KCNMB4: variants seen among roughly 807,000 people sequenced by gnomAD.
KCNMB4 encodes calcium-activated potassium channel subunit beta-4.
In KCNMB4, 3 loss-of-function variants were observed where a neutral mutation model predicts 20.7. That is an observed-to-expected ratio of 0.14 (90% CI 0.07 to 0.37). The LOEUF (loss-of-function observed/expected upper bound fraction) is 0.37. Among genes scored for constraint, KCNMB4 ranks in the 10% least tolerant of loss-of-function variants. KCNMB4 has a pLI of 1.00. For synonymous variants in KCNMB4, 110 were observed against 113.4 expected (o/e 0.97, Z 0.19); for missense variants, 168 against 265.9 (o/e 0.63, Z 2.56).
At chr12:70,424,664 C>T (rs908932227) in intron 2 of KCNMB4, among the ~76,000 whole-genome samples, 1 of 150,030 alleles carries the variant, frequency 6.7e-6, no homozygotes, top group Non-Finnish European at 1.5e-5. Context: ...GCAGGAGAAT[C>T]GCTTGAACCC....
chr12:70,411,453 A>G (rs1868773732), intron 2 of KCNMB4, among the ~76,000 whole-genome samples: 1 of 152,190 alleles, frequency 6.6e-6, no homozygotes, highest in Non-Finnish European at 1.5e-5. Context: ...ATATTTTATT[A>G]GTTTTTATTC....
intron 1 of KCNMB4, among the ~76,000 whole-genome samples, chr12:70,382,203 TG>T: frequency 6.6e-6 from 1 of 151,788 alleles, no homozygotes; most frequent in South Asian, 2.1e-4. Flanking sequence ...CCCAGCACTT[TG>T]GGAGGCCGAG....
chr12:70,384,723 A>G (rs1029328278), intron 1 of KCNMB4, among the ~76,000 whole-genome samples: 3 of 152,076 alleles, frequency 2.0e-5, no homozygotes, highest in African/African-American at 7.2e-5. Flanking sequence ...TGTTTCTAAA[A>G]CAATTTTTTT....
intron 2 of KCNMB4, among the ~76,000 whole-genome samples, chr12:70,407,120 A>C (rs576422630): frequency 6.6e-6 from 1 of 152,246 alleles, no homozygotes; most frequent in Admixed American, 6.5e-5. Flanking sequence ...CTTCTGGCTG[A>C]CCTTCTCTAA....
At chr12:70,389,647 T>C (rs1868284219) in intron 1 of KCNMB4, among the ~76,000 whole-genome samples, 1 of 152,122 alleles carries the variant, frequency 6.6e-6, no homozygotes, top group African/African-American at 2.4e-5. Context: ...TGAGCCAAGA[T>C]CACACCACTG....
intron 2 of KCNMB4, among the ~76,000 whole-genome samples, chr12:70,424,047 T>G (rs926837941): frequency 1.3e-5 from 2 of 152,220 alleles, no homozygotes; most frequent in Non-Finnish European, 2.9e-5. Flanking sequence ...CTTGTCTACC[T>G]AACTTAGTAG....
At chr12:70,391,517 G>T (rs181303985) in intron 1 of KCNMB4, among the ~76,000 whole-genome samples, 55 of 152,228 alleles carry the variant, frequency 3.6e-4, no homozygotes, top group Admixed American at 3.5e-3. Flanking sequence ...TGTTGCCCTG[G>T]CTAGTCTCGA....
At chr12:70,420,444 G>T (rs1207096049) in intron 2 of KCNMB4, among the ~76,000 whole-genome samples, 1 of 152,142 alleles carries the variant, frequency 6.6e-6, no homozygotes, top group Non-Finnish European at 1.5e-5. Flanking sequence ...TAGGGGATGT[G>T]ATCAGGGAAA....
At chr12:70,429,926 G>A (rs977570327) in intron 2 of KCNMB4, among the ~76,000 whole-genome samples, 4 of 152,104 alleles carry the variant, frequency 2.6e-5, no homozygotes, top group Admixed American at 1.3e-4. Flanking sequence ...CACTCATTCA[G>A]CCATTGTCTG....
At chr12:70,379,146 T>C (rs1391899008) in intron 1 of KCNMB4, among the ~76,000 whole-genome samples, 3 of 152,224 alleles carry the variant, frequency 2.0e-5, no homozygotes, top group Non-Finnish European at 2.9e-5. Context: ...CTTAGCACAA[T>C]TTTTAAGGGC....
rs1411634306 is a variant in KCNMB4, at chr12:70,433,455, A to C, written c.*2802A>C. ...CTTCCTAGCCTGTGAAAAAAGAAGA[A>C]GGTGGAGCAAGCCATTTCCTTTTTA... On this transcript the variant is annotated 3_prime_UTR_variant, in exon 3 of 3. Transcript: ENST00000258111. The C allele has an allele frequency of 6.6e-6, 1 of 152,232 alleles. No homozygotes were observed. The highest frequency in any genetic ancestry group is 2.4e-5 in the African/African-American group (1 of 41,458). 9.4% of individuals were successfully genotyped at this position (152,232 alleles called of 1,614,324 possible).
At chr12:70,376,880 AAAAAG>A (rs1202390129) in intron 1 of KCNMB4, among the ~76,000 whole-genome samples, 1 of 151,972 alleles carries the variant, frequency 6.6e-6, no homozygotes, top group Non-Finnish European at 1.5e-5. Context: ...TCAAAAAAAA[AAAAAG>A]AAAAAAGAAT....
In KCNMB4 at chr12:70,366,789, CG is replaced by C; in HGVS notation, c.57del (p.Leu20SerfsTer21). The C allele has an allele frequency of 6.2e-7, 1 of 1,612,066 alleles. No homozygotes were observed. The highest frequency in any genetic ancestry group is 8.5e-7 in the Non-Finnish European group (1 of 1,179,842). On this transcript the variant is annotated frameshift_variant, in exon 1 of 3. Transcript: ENST00000258111. LOFTEE classifies it high-confidence loss of function. ...CACGGAAGCCGAGGACAAGAGCATC[CG>C]GCTCGGCTTGTTTCTCATCATCTCC... is the stretch of plus-strand genomic sequence containing the variant. The part of the protein sequence containing the change: ...EYTEAEDKSI[R>X]LGLFLIISGV...
chr12:70,374,062 G>T (rs1213275307), intron 1 of KCNMB4, among the ~76,000 whole-genome samples: 1 of 152,122 alleles, frequency 6.6e-6, no homozygotes, highest in Non-Finnish European at 1.5e-5. Flanking sequence ...TGTATCTCCA[G>T]CCCCCATTTG....
chr12:70,396,140 T>G (rs1325265779), intron 1 of KCNMB4, among the ~76,000 whole-genome samples: 1 of 152,152 alleles, frequency 6.6e-6, no homozygotes, highest in Non-Finnish European at 1.5e-5. Context: ...ACTACACTGG[T>G]GCTCCAAGAG....
At chr12:70,387,462 G>A (rs2136123119) in intron 1 of KCNMB4, among the ~76,000 whole-genome samples, 1 of 147,448 alleles carries the variant, frequency 6.8e-6, no homozygotes, top group Admixed American at 6.8e-5. Flanking sequence ...GAGTGTGGTG[G>A]TACAGTCTTG....
chr12:70,404,439 A>C (rs1213861950), intron 2 of KCNMB4, among the ~76,000 whole-genome samples: 1 of 152,210 alleles, frequency 6.6e-6, no homozygotes, highest in Non-Finnish European at 1.5e-5. Flanking sequence ...AGATTACTAA[A>C]TCTCTAAATA....
At chr12:70,375,855 AT>A (rs946949298) in intron 1 of KCNMB4, among the ~76,000 whole-genome samples, 3 of 151,938 alleles carry the variant, frequency 2.0e-5, no homozygotes, top group African/African-American at 7.3e-5. Flanking sequence ...TTTATTGAGG[AT>A]TTTTGCATTT....
intron 2 of KCNMB4, among the ~76,000 whole-genome samples, chr12:70,413,898 G>A (rs1868848189): frequency 6.6e-6 from 1 of 152,120 alleles, no homozygotes; most frequent in Non-Finnish European, 1.5e-5. Flanking sequence ...GTGGAAAGTG[G>A]GGAGCTATTG....
Sources: allele counts gnomAD v4.1 joint callset (sites outside exome capture counted in the v4.1 genomes callset), GRCh38; gene constraint gnomAD v4.1.1; transcripts MANE v1.5; gene names NCBI Gene and HGNC (gene_info 2026-07-23, HGNC 2026-07-21).